The following TRIM37 variants were observed in gnomAD, a reference collection of about 807,000 sequenced individuals.
TRIM37 encodes E3 ubiquitin-protein ligase TRIM37.
A neutral mutation model predicts 129.8 loss-of-function variants in TRIM37; 80 were observed. That is an observed-to-expected ratio of 0.62 (90% confidence interval 0.51 to 0.74). TRIM37 has a LOEUF of 0.74. Among genes scored for constraint, TRIM37 ranks in the 30% least tolerant of loss-of-function variants. TRIM37 has a pLI of 0.00. For missense variants in TRIM37, 1,054 were observed against 1,176.5 expected (o/e 0.90, Z 1.52); for synonymous variants, 389 against 387.1 (o/e 1.00, Z -0.06).
the TRIM37 span, chr17:58,969,512 A>G: frequency 6.2e-6 from 10 of 1,612,584 alleles, no homozygotes; most frequent in East Asian, 4.5e-5. Flanking sequence ...CCCAACTCCC[A>G]TAACTGTTCT....
intron 4 of TRIM37, among the ~76,000 whole-genome samples, chr17:59,086,747 A>G (rs2043788278): frequency 6.6e-6 from 1 of 152,236 alleles, no homozygotes; most frequent in Non-Finnish European, 1.5e-5. Flanking sequence ...TAGCTTTTAC[A>G]ATATAGAAAA....
intron 2 of TRIM37, among the ~76,000 whole-genome samples, chr17:59,095,508 T>C (rs2044767100): frequency 6.6e-6 from 1 of 152,166 alleles, no homozygotes; most frequent in Admixed American, 6.6e-5. Context: ...CTCTTTTAAA[T>C]ACTTTTAGCT....
intron 9 of TRIM37, among the ~76,000 whole-genome samples, chr17:59,068,495 T>G (rs891819080): frequency 6.6e-6 from 1 of 152,178 alleles, no homozygotes; most frequent in African/African-American, 2.4e-5. Context: ...GGGGATGAAA[T>G]GGTTCAGAAA....
At chr17:59,017,248 A>C in intron 20 of TRIM37, 48 bp downstream of exon 20, 1 of 1,599,948 alleles carries the variant, frequency 6.3e-7, no homozygotes, top group Admixed American at 1.7e-5. Flanking sequence ...ATTTCAGGTA[A>C]TAAATATTTA....
intron 22 of TRIM37, among the ~76,000 whole-genome samples, chr17:59,011,673 AG>A (rs2035270599): frequency 6.6e-6 from 1 of 152,206 alleles, no homozygotes. Context: ...CTATGCTTTT[AG>A]ATAAACAATA....
chr17:59,056,715 C>CAAAAAAAAAA (rs2040928347), intron 13 of TRIM37, among the ~76,000 whole-genome samples, 160 bp downstream of exon 13: 1 of 3,926 alleles, frequency 2.5e-4, no homozygotes, highest in Non-Finnish European at 1.1e-3. Flanking sequence ...GACTATGTCT[C>CAAAAAAAAAA]CAAAAAAAAA....
intron 17 of TRIM37, among the ~76,000 whole-genome samples, chr17:59,034,430 T>G (rs1170619390): frequency 6.6e-6 from 1 of 151,966 alleles, no homozygotes; most frequent in Admixed American, 6.6e-5. Context: ...TTTTTGTTTT[T>G]TTGAGACGGA....
At chr17:59,092,021 G>C (rs1315269261) in intron 2 of TRIM37, among the ~76,000 whole-genome samples, 1 of 151,418 alleles carries the variant, frequency 6.6e-6, no homozygotes, top group Non-Finnish European at 1.5e-5. Context: ...AGCTAATTCT[G>C]AGTTACATAC....
intron 12 of TRIM37, among the ~76,000 whole-genome samples, chr17:59,057,293 G>A (rs543853569): frequency 1.2e-4 from 18 of 152,250 alleles, no homozygotes; most frequent in African/African-American, 4.3e-4. Flanking sequence ...TCAGCTCACT[G>A]CATCCTCTGA....
intron 2 of TRIM37, 135 bp downstream of exon 2, chr17:59,104,158 T>C: frequency 1.4e-6 from 1 of 722,366 alleles, no homozygotes; most frequent in South Asian, 1.7e-5. Flanking sequence ...TTTATCTTAG[T>C]ATTCCTCAAC....
At chr17:58,970,002 TTC>T in the TRIM37 span, among the ~76,000 whole-genome samples, 1 of 152,216 alleles carries the variant, frequency 6.6e-6, no homozygotes, top group Non-Finnish European at 1.5e-5. Flanking sequence ...AGTTTCATCT[TTC>T]TTTTATTCAC....
chr17:59,006,616 C>T (rs1414716553), intron 22 of TRIM37, among the ~76,000 whole-genome samples: 3 of 152,088 alleles, frequency 2.0e-5, no homozygotes, highest in Non-Finnish European at 4.4e-5. Flanking sequence ...GCTGGGTGCG[C>T]GGTGGCTCAT....
chr17:59,055,291 G>A (rs1189297142), intron 13 of TRIM37, among the ~76,000 whole-genome samples: 2 of 131,844 alleles, frequency 1.5e-5, no homozygotes, highest in Non-Finnish European at 3.1e-5. Flanking sequence ...AGCCAAGATC[G>A]CGCCATTGCG....
chr17:59,033,438 T>C (rs907524162), intron 17 of TRIM37, among the ~76,000 whole-genome samples: 2 of 152,240 alleles, frequency 1.3e-5, no homozygotes, highest in African/African-American at 4.8e-5. Context: ...TGAAAACTGT[T>C]CTTTGTTGTG....
chr17:59,080,163 T>C (rs1378134082), intron 6 of TRIM37, among the ~76,000 whole-genome samples: 2 of 152,236 alleles, frequency 1.3e-5, no homozygotes, highest in Non-Finnish European at 2.9e-5. Context: ...AAACTTCATT[T>C]TAAGTTAGGA....
chr17:59,021,454 G>C (rs1269853500), intron 19 of TRIM37, among the ~76,000 whole-genome samples: 1 of 152,068 alleles, frequency 6.6e-6, no homozygotes, highest in African/African-American at 2.4e-5. Flanking sequence ...CCATAAAAAA[G>C]GAATGAGATC....
chr17:59,101,477 A>G (rs56284918), intron 2 of TRIM37, among the ~76,000 whole-genome samples: 36,631 of 151,480 alleles, frequency 0.24, 4,730 homozygotes, highest in African/African-American at 0.33. Context: ...CAGAAGGGTA[A>G]GACAAATATA....
intron 10 of TRIM37, among the ~76,000 whole-genome samples, chr17:59,063,663 C>T (rs923731202): frequency 4.6e-5 from 7 of 152,332 alleles, no homozygotes; most frequent in African/African-American, 1.7e-4. Context: ...TAACATACAA[C>T]TGACAAAGCC....
At position 59,106,458 on chromosome 17, in the gene TRIM37, C is replaced by A. The variant is rs1568283309; in HGVS notation, c.4G>T (p.Asp2Tyr). The A allele has an allele frequency of 1.9e-6, 3 of 1,613,990 alleles. No homozygotes were observed. The highest frequency in any genetic ancestry group is 2.5e-6 in the Non-Finnish European group (3 of 1,180,002). M[D>Y]EQSVESIAEV... ...CCCCTCACCTCCACGCTCTGTTCATCCATTGCCTCCGGCTCTCGGCGGGGC... is the reference window on the plus strand; with the variant it reads ...CCCCTCACCTCCACGCTCTGTTCATACATTGCCTCCGGCTCTCGGCGGGGC... Residue 2 changes from aspartate to tyrosine, a missense_variant, in exon 1 of 24, where the codon GAT (aspartate) becomes TAT (tyrosine). Asp to Tyr is a radical substitution (Grantham distance 160). This residue lies in a region of TRIM37 where 752 missense variants were observed against 870.8 expected (regional missense o/e 0.86). Coordinates refer to ENST00000262294, the MANE Select transcript of TRIM37 (RefSeq NM_015294.6).
Sources: allele counts gnomAD v4.1 joint callset (sites outside exome capture counted in the v4.1 genomes callset), GRCh38; gene constraint gnomAD v4.1.1; regional missense constraint gnomAD v4.1.1; transcripts MANE v1.5; gene names NCBI Gene and HGNC (gene_info 2026-07-23, HGNC 2026-07-21).